NCAPD3: variants seen among roughly 807,000 people sequenced by gnomAD.
The protein encoded by NCAPD3 is condensin-2 complex subunit D3.
A neutral mutation model predicts 182.9 loss-of-function variants in NCAPD3; 105 were observed. That is an observed-to-expected ratio of 0.57 (90% confidence interval 0.49 to 0.68). The LOEUF (loss-of-function observed/expected upper bound fraction) is 0.68, where lower values mean the gene tolerates loss of function less well. NCAPD3 is among the 30% of genes least tolerant of loss of function. NCAPD3 has a pLI of 0.00. For missense variants in NCAPD3, 1,944 were observed against 1,837.0 expected (o/e 1.06, Z -1.07); for synonymous variants, 815 against 679.9 (o/e 1.20, Z -3.09).
rs188244933 is a variant in NCAPD3, at chr11:134,202,595, G to C, written c.1615+221C>G. ...GGGGTCTTGATGTGTTGCCCAGGCT[G>C]GTCTTGAACTCCTGGGCTCAAGTGA... On this transcript the variant is annotated intron_variant, in intron 13 of 34. Coordinates refer to ENST00000534548, the MANE Select transcript of NCAPD3 (RefSeq NM_015261.3). Among the ~76,000 whole-genome samples the C allele has an allele frequency of 1.3e-3, 196 of 151,622 alleles. 1 individual carries two copies. The highest frequency in any genetic ancestry group is 4.6e-3 in the African/African-American group (192 of 41,306).
intron 13 of NCAPD3, among the ~76,000 whole-genome samples, chr11:134,195,564 T>A (rs1161012137): frequency 6.6e-6 from 1 of 152,206 alleles, no homozygotes; most frequent in Non-Finnish European, 1.5e-5. Context: ...AAAATAACTA[T>A]ATTTTCCAAA....
chr11:134,170,319 A>ACTTT (rs1207778481), intron 24 of NCAPD3, among the ~76,000 whole-genome samples: 6 of 152,244 alleles, frequency 3.9e-5, no homozygotes, highest in African/African-American at 7.2e-5. Flanking sequence ...ATCTAAGAGT[A>ACTTT]GTCAGTTACT....
At position 134,181,157 on chromosome 11, in the gene NCAPD3, C is replaced by A; in HGVS notation, c.2479G>T (p.Val827Leu). 6.2e-7 allele frequency: 1 copy of A among 1,613,980 alleles called. No homozygotes were observed. The highest frequency in any genetic ancestry group is 8.5e-7 in the Non-Finnish European group (1 of 1,179,914). Reference protein sequence around the residue: ...QELLTQVCGDVLSTCEHRLSN... With the variant: ...QELLTQVCGDLLSTCEHRLSN... Reference sequence around the variant, plus strand: ...AGGCGGTGCTCGCAGGTGGAGAGTACATCCCCACACACCTGCGTCAGCAAT... The same window carrying A: ...AGGCGGTGCTCGCAGGTGGAGAGTAAATCCCCACACACCTGCGTCAGCAAT... The change falls in exon 20 of 35, where the codon GTA (valine) becomes TTA (leucine). Residue 827 changes from valine to leucine, a missense_variant. By Grantham distance (32) the Val-to-Leu change is conservative (BLOSUM62 1). Coordinates refer to ENST00000534548, the MANE Select transcript of NCAPD3 (RefSeq NM_015261.3).
In NCAPD3 at chr11:134,202,922, A is replaced by G. The variant is rs1161120324; in HGVS notation, c.1526-17T>C. The G allele has an allele frequency of 1.3e-6, 2 of 1,569,892 alleles. No homozygotes were observed. The highest frequency in any genetic ancestry group is 1.4e-5 in the African/African-American group (1 of 72,902). ...AGGAAAAAGCTTTAAAAAAAAAATT[A>G]CAGTCATTAAGCTAAAAATGTGTTA... is the stretch of plus-strand genomic sequence containing the variant. On this transcript the variant is annotated splice_polypyrimidine_tract_variant and intron_variant, in intron 12 of 34. Transcript: ENST00000534548.
chr11:134,214,393 G>C (rs1196739850), intron 3 of NCAPD3, among the ~76,000 whole-genome samples: 1 of 152,154 alleles, frequency 6.6e-6, no homozygotes, highest in Non-Finnish European at 1.5e-5. Flanking sequence ...ATCGAAATTT[G>C]TGGGATGCAG....
intron 28 of NCAPD3, among the ~76,000 whole-genome samples, chr11:134,161,006 G>A (rs1426879856): frequency 2.0e-5 from 3 of 151,678 alleles, no homozygotes; most frequent in African/African-American, 4.9e-5. Flanking sequence ...ATATTTGGAA[G>A]TTTTTATTTT....
At chr11:134,158,629 G>A in intron 29 of NCAPD3, 134 bp from the exon 30 acceptor site, 2 of 938,480 alleles carry the variant, frequency 2.1e-6, no homozygotes, top group Non-Finnish European at 3.1e-6. Context: ...ATCAAATCAG[G>A]GTAATTGGCA....
intron 3 of NCAPD3, among the ~76,000 whole-genome samples, chr11:134,211,540 T>C (rs915408906): frequency 1.3e-5 from 2 of 151,720 alleles, no homozygotes; most frequent in African/African-American, 2.4e-5. Context: ...AGTAAAAAAA[T>C]TACAGGGAGT....
In NCAPD3 at chr11:134,223,899, C is replaced by T; in HGVS notation, c.28G>A (p.Gly10Ser). 6.2e-7 allele frequency: 1 copy of T among 1,612,748 alleles called. No homozygotes were observed. The highest frequency in any genetic ancestry group is 1.3e-5 in the African/African-American group (1 of 75,056). MVALRGLGS[G>S]LQPWCPLDLR... The stretch of plus-strand genomic sequence containing the variant: ...TCCAGCGGACACCAGGGCTGCAGGC[C>T]GCTACCAAGGCCCCGCAACGCCACC... Residue 10 changes from glycine to serine, a missense_variant, in exon 1 of 35, where the codon GGC becomes AGC. Around this residue, in one of 3 missense-constraint regions of NCAPD3, gnomAD observed 131 missense variants for 133.9 expected, o/e 0.98. Transcript: ENST00000534548.
rs1591848698 is a variant in NCAPD3, at chr11:134,194,302, C to G, written c.1690-152G>C. 4.0e-6 allele frequency: 3 copies of G among 757,270 alleles called. No homozygotes were observed. In the East Asian group the frequency reaches 8.0e-5, roughly 20 times the overall value. The allele number at this position is 757,270 out of a possible 1,614,324, so 46.9% of individuals were successfully genotyped here. ...TTCCTCCTCACAACATCCCATTTTT[C>G]AGAATCCAATTTGCTAAGGCCTCTC... On this transcript the variant is annotated intron_variant, in intron 14 of 34. Coordinates refer to ENST00000534548, the MANE Select transcript of NCAPD3 (RefSeq NM_015261.3).
chr11:134,190,988 T>C (rs1944512494), intron 16 of NCAPD3, among the ~76,000 whole-genome samples: 1 of 152,236 alleles, frequency 6.6e-6, no homozygotes, highest in Non-Finnish European at 1.5e-5. Flanking sequence ...CTGTTTCCAT[T>C]TGAATAATTT....
chr11:134,189,469 G>T (rs1309859589), intron 16 of NCAPD3, among the ~76,000 whole-genome samples: 1 of 151,984 alleles, frequency 6.6e-6, no homozygotes, highest in Non-Finnish European at 1.5e-5. Context: ...ACAAGTTTTG[G>T]CACGTATTCA....
chr11:134,199,547 A>G (rs2136005579), intron 13 of NCAPD3, among the ~76,000 whole-genome samples: 1 of 152,332 alleles, frequency 6.6e-6, no homozygotes, highest in South Asian at 2.1e-4. Context: ...GACATGCAGA[A>G]TGATACACTC....
chr11:134,169,586 C>T (rs1004534870), intron 24 of NCAPD3, among the ~76,000 whole-genome samples: 2 of 152,204 alleles, frequency 1.3e-5, no homozygotes, highest in African/African-American at 4.8e-5. Context: ...CTCTGCAAAG[C>T]AACTGACTCA....
chr11:134,190,022 T>C (rs532463006), intron 16 of NCAPD3, among the ~76,000 whole-genome samples: 3 of 152,360 alleles, frequency 2.0e-5, no homozygotes, highest in East Asian at 3.9e-4. Flanking sequence ...TTTACATTTA[T>C]AGAGATTACT....
intron 19 of NCAPD3, among the ~76,000 whole-genome samples, chr11:134,182,352 T>A (rs983638908): frequency 6.6e-6 from 1 of 152,226 alleles, no homozygotes; most frequent in Non-Finnish European, 1.5e-5. Context: ...TCACCAAAAT[T>A]TATAATTTCC....
At chr11:134,188,855 TAAG>T (rs1944467508) in intron 16 of NCAPD3, among the ~76,000 whole-genome samples, 1 of 152,162 alleles carries the variant, frequency 6.6e-6, no homozygotes, top group Non-Finnish European at 1.5e-5. Flanking sequence ...GGTATCCTTA[TAAG>T]AAGAAATGCG....
intron 26 of NCAPD3, 95 bp from the exon 27 acceptor site, chr11:134,168,290 C>T (rs777237774): frequency 2.8e-6 from 4 of 1,438,502 alleles, no homozygotes; most frequent in Admixed American, 3.5e-5. Context: ...CCATCTGAGG[C>T]TGTCAGGGGG....
intron 7 of NCAPD3, 45 bp downstream of exon 7, chr11:134,208,819 C>A: frequency 7.7e-7 from 1 of 1,293,568 alleles, no homozygotes; most frequent in Non-Finnish European, 1.1e-6. Flanking sequence ...GGTTCATGTG[C>A]CTTCGATTCA....
Sources: allele counts gnomAD v4.1 joint callset (sites outside exome capture counted in the v4.1 genomes callset), GRCh38; gene constraint gnomAD v4.1.1; regional missense constraint gnomAD v4.1.1; transcripts MANE v1.5; gene names NCBI Gene and HGNC (gene_info 2026-07-23, HGNC 2026-07-21).